SCP2: variants seen among roughly 807,000 people sequenced by gnomAD.
SCP2 encodes SCP-2/3-oxoacyl-CoA thiolase.
SCP2 carries 48 observed loss-of-function variants against 71.4 expected under a neutral mutation model. The observed-to-expected ratio is 0.67, with a 90% CI of 0.53 to 0.86. The LOEUF is 0.86. SCP2 is among the 40% of genes least tolerant of loss of function. The pLI, the probability that SCP2 is intolerant of heterozygous loss-of-function variation, is 0.00. For synonymous variants in SCP2, 220 were observed against 218.1 expected (o/e 1.01, Z -0.08); for missense variants, 560 against 655.6 (o/e 0.85, Z 1.59).
rs537684589 is a variant in SCP2 at position 52,995,058 on chromosome 1, G to A, written c.1081+6922G>A. On this transcript the variant is annotated intron_variant, in intron 11 of 15. Transcript: ENST00000371514. ...AAGGCCACTACATAGAGGGGGCCAA[G>A]CTGGTTGATTCAGTTGTAGATGTGG... 8.0e-6 allele frequency: 4 copies of A among 499,178 alleles called. No individual in the cohort carries two copies. The East Asian group carries it at 2.1e-4, about 26-fold the overall frequency. The allele number at this position is 499,178 out of a possible 1,614,324, so 30.9% of individuals were successfully genotyped here.
chr1:53,002,292 G>A (rs1660367830), intron 11 of SCP2, among the ~76,000 whole-genome samples: 1 of 152,158 alleles, frequency 6.6e-6, no homozygotes, highest in South Asian at 2.1e-4. Context: ...CTTGAACAGT[G>A]TGCAATACAT....
intron 12 of SCP2, among the ~76,000 whole-genome samples, chr1:53,020,358 T>C (rs1346934896): frequency 1.3e-5 from 2 of 152,240 alleles, no homozygotes; most frequent in African/African-American, 4.8e-5. Context: ...TTGTAGTTGC[T>C]CAATAAACTT....
In SCP2 at chr1:52,961,495, C is replaced by A. The variant is rs536971626; in HGVS notation, c.397-8C>A. Reference sequence around the variant, plus strand: ...AGCTGCTTATGAAATTTTGTTCCCCCCTCTTAGTTTTCAGATAGAACCATT... The same window carrying A: ...AGCTGCTTATGAAATTTTGTTCCCCACTCTTAGTTTTCAGATAGAACCATT... On this transcript the variant is annotated splice_polypyrimidine_tract_variant and splice_region_variant and intron_variant, in intron 5 of 15. Transcript: ENST00000371514. The A allele has an allele frequency of 1.2e-6, 2 of 1,613,594 alleles. No individual in the cohort carries two copies. The highest frequency in any genetic ancestry group is 1.3e-5 in the African/African-American group (1 of 75,004).
At chr1:53,014,062 A>ATTTTT (rs35223104) in intron 11 of SCP2, among the ~76,000 whole-genome samples, 21 of 131,424 alleles carry the variant, frequency 1.6e-4, no homozygotes, top group African/African-American at 5.7e-4. Context: ...CGCCCGGCTA[A>ATTTTT]TTTTTTTTTT....
chr1:52,928,033 C>T (rs905363401), intron 1 of SCP2, among the ~76,000 whole-genome samples: 1 of 152,230 alleles, frequency 6.6e-6, no homozygotes, highest in Non-Finnish European at 1.5e-5. Flanking sequence ...TCTCCCCGGA[C>T]GCAGTTGTCT....
intron 11 of SCP2, among the ~76,000 whole-genome samples, chr1:52,999,345 T>G (rs1305222102): frequency 1.3e-5 from 2 of 152,232 alleles, no homozygotes; most frequent in African/African-American, 4.8e-5. Flanking sequence ...AATAGAATTC[T>G]AAGAGATTCA....
intron 5 of SCP2, among the ~76,000 whole-genome samples, chr1:52,960,717 C>CGTGTGT (rs145935532): frequency 7.0e-4 from 73 of 104,080 alleles, no homozygotes; most frequent in African/African-American, 1.9e-3. Flanking sequence ...ATATTATGTG[C>CGTGTGT]GTGTGTGTGT....
chr1:52,979,494 G>A (rs760010822), intron 9 of SCP2, among the ~76,000 whole-genome samples: 1 of 151,968 alleles, frequency 6.6e-6, no homozygotes, highest in Non-Finnish European at 1.5e-5. Flanking sequence ...TGGCCTCACC[G>A]TTTTATTCCT....
intron 8 of SCP2, 59 bp from the exon 9 acceptor site, chr1:52,978,158 T>C: frequency 6.5e-7 from 1 of 1,541,790 alleles, no homozygotes; most frequent in Non-Finnish European, 9.0e-7. Flanking sequence ...TAACTCCTAG[T>C]CTGAAATCCT....
intron 10 of SCP2, among the ~76,000 whole-genome samples, chr1:52,987,007 T>TATATATA (rs1491431026): frequency 2.7e-3 from 172 of 62,640 alleles, no homozygotes; most frequent in African/African-American, 9.0e-3. Context: ...TATATATATA[T>TATATATA]TTTTTTTTTT....
intron 6 of SCP2, among the ~76,000 whole-genome samples, chr1:52,962,139 T>A (rs143380624): frequency 6.6e-6 from 1 of 152,160 alleles, no homozygotes; most frequent in Non-Finnish European, 1.5e-5. Flanking sequence ...TGAGCTCAAG[T>A]GATCCACCTG....
rs1342590028 is a variant in SCP2, at chr1:52,950,896, G to A, written c.331+10G>A. On this transcript the variant is annotated intron_variant, in intron 4 of 15. Transcript: ENST00000371514. ...CAGCTGATTCAGGGTGGTAAGGAGT[G>A]CTTGTCTAGTGTACTTAAATATTGC... 1.2e-6 allele frequency: 2 copies of A among 1,613,158 alleles called. No homozygotes were observed. Among genetic ancestry groups the A allele is most frequent in the African/African-American group, 2.7e-5 (2 of 74,868 alleles).
At chr1:52,983,527 T>G (rs778509742) in intron 10 of SCP2, among the ~76,000 whole-genome samples, 1 of 152,338 alleles carries the variant, frequency 6.6e-6, no homozygotes, top group African/African-American at 2.4e-5. Context: ...TCTCTGTTCT[T>G]CACATTTGAT....
At chr1:52,960,480 A>ATATGTGTGTGTG (rs1287812730) in intron 5 of SCP2, among the ~76,000 whole-genome samples, 106 of 139,596 alleles carry the variant, frequency 7.6e-4, no homozygotes, top group African/African-American at 2.6e-3. Flanking sequence ...TACTATGTAT[A>ATATGTGTGTGTG]TGTGTGTGTG....
intron 1 of SCP2, among the ~76,000 whole-genome samples, chr1:52,934,315 A>T (rs1341924583): frequency 1.3e-5 from 2 of 152,082 alleles, no homozygotes; most frequent in African/African-American, 4.8e-5. Context: ...TACTATTAAA[A>T]ATTTTTTTTT....
rs527570511 is a variant in SCP2 at position 53,037,779 on chromosome 1, C to A, written c.1339-1138C>A. Among the ~76,000 whole-genome samples the A allele has an allele frequency of 6.6e-5, 10 of 151,926 alleles. No individual in the cohort carries two copies. In the East Asian group the frequency reaches 1.9e-3, roughly 29 times the overall value. ...ACATAAGGCTAGCTGTGGTGGCTAA[C>A]CCCTGTATCCCAGCACTTTGAGAGG... On this transcript the variant is annotated intron_variant, in intron 13 of 15. Coordinates refer to ENST00000371514, the MANE Select transcript of SCP2 (RefSeq NM_002979.5).
chr1:52,948,059 G>C lies in SCP2; in HGVS notation c.178G>C (p.Ala60Pro), dbSNP rs2150121874. The stretch of plus-strand genomic sequence containing the variant: ...GATCCCTTATTCAGCAGTGGACCAG[G>C]CATGTGTTGGCTATGTTTTTGGTAT... The part of the protein sequence containing the change: ...AQIPYSAVDQ[A>P]CVGYVFGDST... The change falls in exon 3 of 16, where the codon GCA becomes CCA. Residue 60 changes from alanine to proline, a missense_variant. Physicochemically the swap from Ala to Pro is conservative, Grantham distance 27. Coordinates refer to ENST00000371514, the MANE Select transcript of SCP2 (RefSeq NM_002979.5). 2 of 1,612,224 alleles carry C rather than the reference G, an allele frequency of 1.2e-6. No homozygotes were observed.
intron 8 of SCP2, 44 bp from the exon 9 acceptor site, chr1:52,978,173 T>C (rs1426013032): frequency 6.3e-7 from 1 of 1,591,956 alleles, no homozygotes; most frequent in African/African-American, 1.3e-5. Flanking sequence ...AATCCTCCGA[T>C]CAGGTGCTAC....
intron 9 of SCP2, among the ~76,000 whole-genome samples, chr1:52,978,663 A>G (rs1466362799): frequency 6.6e-6 from 1 of 152,148 alleles, no homozygotes; most frequent in African/African-American, 2.4e-5. Flanking sequence ...CCCAGGCTCA[A>G]TCAATCCTCC....
Sources: allele counts gnomAD v4.1 joint callset (sites outside exome capture counted in the v4.1 genomes callset), GRCh38; gene constraint gnomAD v4.1.1; transcripts MANE v1.5; gene names NCBI Gene and HGNC (gene_info 2026-07-23, HGNC 2026-07-21).